FAM184A: variants seen among roughly 807,000 people sequenced by gnomAD.
FAM184A encodes protein FAM184A.
A neutral mutation model predicts 143.8 loss-of-function variants in FAM184A; 99 were observed. The ratio of observed to expected loss-of-function variants is 0.69; its 90% CI spans 0.58 to 0.81. FAM184A has a LOEUF of 0.81. Among genes scored for constraint, FAM184A ranks in the 40% least tolerant of loss-of-function variants. FAM184A has a pLI of 0.00. For missense variants in FAM184A, 1,217 were observed against 1,310.5 expected, an observed-to-expected ratio of 0.93 and a Z score of 1.10; for synonymous variants, 427 against 446.4, an observed-to-expected ratio of 0.96 and a Z score of 0.55.
At chr6:118,986,022 G>A (rs1030939140) in intron 9 of FAM184A, among the ~76,000 whole-genome samples, 4 of 152,110 alleles carry the variant, frequency 2.6e-5, no homozygotes, top group African/African-American at 9.7e-5. Flanking sequence ...GGCCTGGCGC[G>A]GTGGCTCATG....
intron 1 of FAM184A, among the ~76,000 whole-genome samples, chr6:119,075,667 C>T (rs879446334): frequency 2.0e-5 from 3 of 152,106 alleles, no homozygotes; most frequent in Admixed American, 2.0e-4. Context: ...AAATATTAGC[C>T]ATTGTCAAGT....
chr6:119,126,493 C>A (rs557913356), intron 1 of FAM184A, among the ~76,000 whole-genome samples: 2 of 152,152 alleles, frequency 1.3e-5, no homozygotes, highest in Non-Finnish European at 2.9e-5. Flanking sequence ...CCTAGTGGGA[C>A]GGGGAGTGTA....
chr6:119,001,388 T>G (rs1190756330), intron 9 of FAM184A, among the ~76,000 whole-genome samples: 2 of 151,728 alleles, frequency 1.3e-5, no homozygotes, highest in African/African-American at 4.8e-5. Context: ...ACCAATTAAT[T>G]CCCGGTTATC....
chr6:119,024,842 G>A, intron 1 of FAM184A, 29 bp from the exon 2 acceptor site: 1 of 1,531,088 alleles, frequency 6.5e-7, no homozygotes, highest in African/African-American at 1.4e-5. Context: ...GAAGGGAGAA[G>A]GATTGTGAAT....
chr6:118,974,128 T>C (rs1304623798), intron 14 of FAM184A, among the ~76,000 whole-genome samples: 3 of 152,150 alleles, frequency 2.0e-5, no homozygotes, highest in Admixed American at 6.6e-5. Flanking sequence ...CTTAACATTA[T>C]ATATAGCCAT....
At chr6:119,056,312 G>A (rs987778604) in intron 1 of FAM184A, among the ~76,000 whole-genome samples, 2 of 152,114 alleles carry the variant, frequency 1.3e-5, no homozygotes, top group African/African-American at 4.8e-5. Flanking sequence ...GGGATATGGG[G>A]GATGTCTGAT....
chr6:118,962,046 G>T (rs767431835), intron 16 of FAM184A, 83 bp from the exon 17 acceptor site: 1 of 1,420,752 alleles, frequency 7.0e-7, no homozygotes, highest in South Asian at 1.2e-5. Flanking sequence ...TAGAAATTTG[G>T]CATGGGAAAA....
intron 1 of FAM184A, among the ~76,000 whole-genome samples, chr6:119,054,866 A>AT (rs5879482): frequency 0.89 from 134,534 of 151,286 alleles, 60,137 homozygotes; most frequent in East Asian, 1. Flanking sequence ...CCTTGTGACA[A>AT]TTTTTTTTTA....
chr6:119,036,454 T>C (rs1319644751), intron 1 of FAM184A, among the ~76,000 whole-genome samples: 3 of 152,154 alleles, frequency 2.0e-5, no homozygotes, highest in East Asian at 3.9e-4. Context: ...TTCCTCGCTG[T>C]ATGATTCTAT....
At chr6:119,100,377 G>T (rs1788607637) in intron 1 of FAM184A, among the ~76,000 whole-genome samples, 1 of 152,090 alleles carries the variant, frequency 6.6e-6, no homozygotes, top group Non-Finnish European at 1.5e-5. Context: ...ATCTGAAATT[G>T]TTCCAAGAGA....
intron 1 of FAM184A, among the ~76,000 whole-genome samples, chr6:119,144,040 T>A (rs1315559243): frequency 1.3e-5 from 2 of 152,110 alleles, no homozygotes; most frequent in Non-Finnish European, 2.9e-5. Context: ...GCTGGTTTCC[T>A]CATTCAAGGA....
intron 1 of FAM184A, among the ~76,000 whole-genome samples, chr6:119,124,582 A>T (rs548247905): frequency 6.6e-6 from 1 of 152,318 alleles, no homozygotes; most frequent in East Asian, 1.9e-4. Context: ...AAAATGAGTC[A>T]TGCTGAAATC....
intron 1 of FAM184A, among the ~76,000 whole-genome samples, chr6:119,142,082 T>C (rs547588969): frequency 2.0e-5 from 3 of 152,288 alleles, no homozygotes; most frequent in South Asian, 2.1e-4. Context: ...AGCAGCAATA[T>C]AGTTAAAGCG....
intron 1 of FAM184A, among the ~76,000 whole-genome samples, chr6:119,075,188 T>C (rs1562139754): frequency 6.6e-6 from 1 of 152,214 alleles, no homozygotes; most frequent in Non-Finnish European, 1.5e-5. Flanking sequence ...CCTTTAAACT[T>C]TGATATTCGA....
chr6:119,061,531 CTTTTTTTTTTTTTTTTT>C (rs977029986), intron 1 of FAM184A, among the ~76,000 whole-genome samples: 16 of 58,530 alleles, frequency 2.7e-4, no homozygotes, highest in African/African-American at 1.2e-3. Flanking sequence ...AATTATTTTT[CTTTTTTTTTTTTTTTTT>C]TTTTTTTTTT....
chr6:119,049,511 G>C (rs905895788), intron 1 of FAM184A, among the ~76,000 whole-genome samples: 2 of 152,066 alleles, frequency 1.3e-5, no homozygotes, highest in Non-Finnish European at 2.9e-5. Flanking sequence ...ACAGAATAGA[G>C]AGTCCAGAAA....
At chr6:119,070,527 A>G (rs1478910283) in intron 1 of FAM184A, among the ~76,000 whole-genome samples, 1 of 152,168 alleles carries the variant, frequency 6.6e-6, no homozygotes. Context: ...TATGGTTTAG[A>G]CCACACTTGA....
intron 1 of FAM184A, among the ~76,000 whole-genome samples, chr6:119,064,164 C>A (rs1787357228): frequency 6.6e-6 from 1 of 152,152 alleles, no homozygotes. Context: ...CCTAAGTTTT[C>A]TCTTAATCTA....
chr6:119,016,264 G>A (rs1192462015), intron 5 of FAM184A, among the ~76,000 whole-genome samples: 7 of 152,140 alleles, frequency 4.6e-5, no homozygotes, highest in Admixed American at 6.5e-5. Context: ...CAGGCTGCCC[G>A]AGCCAGCATT....
Sources: allele counts gnomAD v4.1 joint callset (sites outside exome capture counted in the v4.1 genomes callset), GRCh38; gene constraint gnomAD v4.1.1; transcripts MANE v1.5; gene names NCBI Gene and HGNC (gene_info 2026-07-23, HGNC 2026-07-21).